The following PDE4D variants were observed in gnomAD, a reference collection of about 807,000 sequenced individuals.
The protein encoded by PDE4D is phosphodiesterase 4D.
A neutral mutation model predicts 87.4 loss-of-function variants in PDE4D; 24 were observed. The ratio of observed to expected loss-of-function variants is 0.27; its 90% CI spans 0.20 to 0.39. The LOEUF (loss-of-function observed/expected upper bound fraction) is 0.39. Among genes scored for constraint, PDE4D ranks in the 10% least tolerant of loss-of-function variants. The pLI is 1.00. For missense variants in PDE4D, 714 were observed against 1,041.0 expected (o/e 0.69, Z 4.32); for synonymous variants, 384 against 383.2 (o/e 1.00, Z -0.02).
intron 1 of PDE4D, among the ~76,000 whole-genome samples, chr5:59,281,748 C>T (rs1200940665): frequency 6.6e-6 from 1 of 152,092 alleles, no homozygotes; most frequent in Non-Finnish European, 1.5e-5. Flanking sequence ...CTGACAAGCA[C>T]CATTTGGCTT....
intron 1 of PDE4D, among the ~76,000 whole-genome samples, chr5:60,399,975 A>G (rs1740905616): frequency 1.3e-5 from 2 of 152,248 alleles, no homozygotes; most frequent in African/African-American, 2.4e-5. Flanking sequence ...ATATGATATA[A>G]AAGGACACAT....
chr5:60,282,410 A>G lies in PDE4D; in HGVS notation c.-89-96723T>C, dbSNP rs1752031037. Among the ~76,000 whole-genome samples, 2 of 152,116 alleles carry G rather than the reference A, an allele frequency of 1.3e-5. 1 individual carries two copies. The highest frequency in any genetic ancestry group is 3.9e-4 in the East Asian group (2 of 5,164). ...TTGTTTAATTTGGTCTAATATGAAGATCCCAAGGTTTCAGTGACAGTGAAA... is the reference window on the plus strand; with the variant it reads ...TTGTTTAATTTGGTCTAATATGAAGGTCCCAAGGTTTCAGTGACAGTGAAA... On this transcript the variant is annotated intron_variant, in intron 1 of 16. Coordinates refer to the PDE4D transcript ENST00000502484.
intron 1 of PDE4D, among the ~76,000 whole-genome samples, chr5:59,277,676 T>C (rs1206334892): frequency 6.6e-6 from 1 of 152,146 alleles, no homozygotes. Flanking sequence ...GAGAATGTAA[T>C]GTCTGACTGT....
At chr5:60,116,635 ATTTC>A (rs933185883) in intron 2 of PDE4D, among the ~76,000 whole-genome samples, 31 of 152,232 alleles carry the variant, frequency 2.0e-4, no homozygotes, top group African/African-American at 7.2e-4. Context: ...TTAATGAGAT[ATTTC>A]TTTATGGGAA....
intron 5 of PDE4D, among the ~76,000 whole-genome samples, chr5:59,178,670 A>G (rs1178275047): frequency 6.6e-6 from 1 of 152,128 alleles, no homozygotes; most frequent in African/African-American, 2.4e-5. Context: ...AGCCACAACA[A>G]TTTCCACTGG....
intron 1 of PDE4D, among the ~76,000 whole-genome samples, chr5:59,387,468 A>G (rs988425445): frequency 1.2e-4 from 18 of 152,150 alleles, no homozygotes; most frequent in Non-Finnish European, 2.2e-4. Flanking sequence ...TCTGACACAG[A>G]GAAATGGATT....
At chr5:59,586,884 C>T in intron 1 of PDE4D, 1 of 985,382 alleles carries the variant, frequency 1.0e-6, no homozygotes, top group Non-Finnish European at 1.2e-6. Flanking sequence ...TTTCTTCTTT[C>T]TTAGGCACAT....
rs760240705 is a variant in PDE4D, at chr5:58,977,323, G to A, written c.1575C>T (p.Tyr525=). The part of the protein sequence containing the change: ...INTNSELALM[Y]NDSSVLENHH... ...GGTTCTCTAAGACTGAGGAATCATTGTACATCAAGGCAAGTTCAGAGTCTG... is the reference window on the plus strand; with the variant it reads ...GGTTCTCTAAGACTGAGGAATCATTATACATCAAGGCAAGTTCAGAGTCTG... Residue 525 remains tyrosine, a synonymous_variant, in exon 12 of 15, where the codon TAC becomes TAT. Transcript: ENST00000340635. 1.9e-6 allele frequency: 3 copies of A among 1,610,752 alleles called. No homozygotes were observed. In the South Asian group the frequency reaches 3.3e-5, roughly 18 times the overall value.
chr5:59,616,570 A>G (rs1180732927), intron 1 of PDE4D, among the ~76,000 whole-genome samples: 1 of 152,110 alleles, frequency 6.6e-6, no homozygotes, highest in African/African-American at 2.4e-5. Flanking sequence ...CCAAGTCACC[A>G]TATATCTGTC....
At chr5:60,153,838 A>G (rs1178180740) in intron 2 of PDE4D, among the ~76,000 whole-genome samples, 1 of 152,206 alleles carries the variant, frequency 6.6e-6, no homozygotes, top group Admixed American at 6.5e-5. Context: ...AGAGTAAAAC[A>G]GTGGTTGCCA....
At chr5:60,176,029 T>C (rs1399129010) in intron 2 of PDE4D, among the ~76,000 whole-genome samples, 1 of 152,114 alleles carries the variant, frequency 6.6e-6, no homozygotes, top group Non-Finnish European at 1.5e-5. Context: ...CACTGGGAAA[T>C]GGTTGTGGGT....
intron 2 of PDE4D, among the ~76,000 whole-genome samples, chr5:60,169,625 T>C (rs1783238595): frequency 6.6e-6 from 1 of 152,086 alleles, no homozygotes; most frequent in Non-Finnish European, 1.5e-5. Context: ...ACCCCATTTT[T>C]AATTCATTTA....
At chr5:58,991,393 C>G (rs924112312) in intron 8 of PDE4D, among the ~76,000 whole-genome samples, 1 of 152,190 alleles carries the variant, frequency 6.6e-6, no homozygotes, top group Non-Finnish European at 1.5e-5. Flanking sequence ...ACCATGTAAG[C>G]ATAGGCAAAC....
At chr5:60,450,704 A>T (rs1746031979) in intron 1 of PDE4D, among the ~76,000 whole-genome samples, 1 of 152,162 alleles carries the variant, frequency 6.6e-6, no homozygotes, top group Non-Finnish European at 1.5e-5. Context: ...AGAGTATGAC[A>T]TAAATACAAG....
At chr5:59,393,230 T>G (rs974066394) in intron 1 of PDE4D, among the ~76,000 whole-genome samples, 1 of 152,104 alleles carries the variant, frequency 6.6e-6, no homozygotes, top group African/African-American at 2.4e-5. Context: ...TCAAAGGTAT[T>G]TGACAACAAA....
chr5:59,968,081 T>C (rs1360802743), intron 3 of PDE4D, among the ~76,000 whole-genome samples: 1 of 146,552 alleles, frequency 6.8e-6, no homozygotes, highest in Non-Finnish European at 1.5e-5. Context: ...ACCTCCTGGG[T>C]TCAAGCAATT....
chr5:59,078,187 A>G (rs1430296934), intron 5 of PDE4D, among the ~76,000 whole-genome samples: 1 of 152,172 alleles, frequency 6.6e-6, no homozygotes, highest in Non-Finnish European at 1.5e-5. Flanking sequence ...TTGCAATATT[A>G]AAAAAGGCCA....
At chr5:59,508,185 A>T (rs1402268967) in intron 1 of PDE4D, among the ~76,000 whole-genome samples, 1 of 152,078 alleles carries the variant, frequency 6.6e-6, no homozygotes, top group African/African-American at 2.4e-5. Context: ...CAAGGGGCCT[A>T]AACAGAGAAA....
At chr5:60,211,043 G>T (rs900737922) in intron 1 of PDE4D, among the ~76,000 whole-genome samples, 1 of 152,144 alleles carries the variant, frequency 6.6e-6, no homozygotes, top group Non-Finnish European at 1.5e-5. Context: ...GACAGGAGCC[G>T]GCCAAGCCCC....
Sources: gnomAD v4.1 joint callset for allele counts (sites outside exome capture counted in the v4.1 genomes callset) on GRCh38, gnomAD v4.1.1 for gene constraint, MANE v1.5 for transcripts, NCBI Gene and HGNC (gene_info 2026-07-23, HGNC 2026-07-21) for gene names.